Variants in UBE2E1 observed in about 807,000 individuals in gnomAD.
The protein encoded by UBE2E1 is ubiquitin conjugating enzyme E2 E1, also known as ubiquitin-conjugating enzyme E2 E1.
Under a neutral mutation model 21.4 loss-of-function variants are expected in UBE2E1, and 6 were observed. The ratio of observed to expected loss-of-function variants is 0.28; its 90% CI spans 0.15 to 0.55. The LOEUF (loss-of-function observed/expected upper bound fraction) is 0.55. UBE2E1 is among the 20% of genes least tolerant of loss of function. The pLI is 0.93. For synonymous variants in UBE2E1, 87 were observed against 82.7 expected (o/e 1.05, Z -0.28); for missense variants, 142 against 236.5 (o/e 0.60, Z 2.62).
intron 3 of UBE2E1, among the ~76,000 whole-genome samples, chr3:23,826,387 C>G (rs1699761400): frequency 6.6e-6 from 1 of 152,340 alleles, no homozygotes; most frequent in Middle Eastern, 3.4e-3. Flanking sequence ...TTGTAGTGTG[C>G]TTGCCTTGGT....
In UBE2E1 at chr3:23,887,484, G is replaced by T; in HGVS notation, c.204-83G>T. 6.8e-7 allele frequency: 1 copy of T among 1,470,932 alleles called. No individual in the cohort carries two copies. The allele number at this position is 1,470,932 out of a possible 1,614,324, so 91.1% of individuals were successfully genotyped here. A position where few individuals can be genotyped will look rare whatever the true frequency, so the allele number is the denominator to read the frequency against. On this transcript the variant is annotated intron_variant, in intron 3 of 5. Coordinates refer to ENST00000306627, the MANE Select transcript of UBE2E1 (RefSeq NM_003341.5). This position sits in a 1 kb window ranked among gnomAD's most constrained non-coding sequence, Gnocchi z 4.4. ...CACAGTAAACAAAAGAGAGGAGAGA[G>T]GTAATCTTTCCATCTCTTTTAATAC...
chr3:23,861,461 G>T (rs1053848214), intron 3 of UBE2E1, among the ~76,000 whole-genome samples: 1 of 152,152 alleles, frequency 6.6e-6, no homozygotes, highest in African/African-American at 2.4e-5. Context: ...CCTGGCGAGG[G>T]CTCCACCCCC....
chr3:23,853,984 A>C lies in UBE2E1; in HGVS notation c.204-33583A>C, dbSNP rs1407854835. On this transcript the variant is annotated intron_variant, in intron 3 of 5. Coordinates refer to ENST00000306627, the MANE Select transcript of UBE2E1 (RefSeq NM_003341.5). This position sits in a 1 kb window ranked among gnomAD's most constrained non-coding sequence, Gnocchi z 4.1. ...TCAGAATGCTTTATCTTGGTCAGGC[A>C]TGGTGGCTCATGCCTGTAATCCCAG... Among the ~76,000 whole-genome samples, 1 of 152,280 alleles carries C rather than the reference A, an allele frequency of 6.6e-6. No homozygotes were observed. Among genetic ancestry groups the C allele is most frequent in the Admixed American group, 6.5e-5 (1 of 15,290 alleles).
At chr3:23,890,431 A>AC in intron 5 of UBE2E1, 78 bp from the exon 6 acceptor site, 1 of 1,393,848 alleles carries the variant, frequency 7.2e-7, no homozygotes, top group Non-Finnish European at 9.9e-7. Context: ...GTACGTATCT[A>AC]CCCAAGCTGT....
chr3:23,822,793 T>A (rs1171657830), intron 3 of UBE2E1, among the ~76,000 whole-genome samples: 2 of 152,180 alleles, frequency 1.3e-5, no homozygotes, highest in African/African-American at 4.8e-5. Flanking sequence ...CAGCATAAGT[T>A]ACTCATCATA....
chr3:23,867,436 G>C (rs963964721), intron 3 of UBE2E1, among the ~76,000 whole-genome samples: 1 of 152,168 alleles, frequency 6.6e-6, no homozygotes, highest in Non-Finnish European at 1.5e-5. Context: ...CATCAACTTT[G>C]TTGAGGTGTA....
chr3:23,885,910 T>C (rs1381843669), intron 3 of UBE2E1, among the ~76,000 whole-genome samples: 1 of 151,782 alleles, frequency 6.6e-6, no homozygotes, highest in Non-Finnish European at 1.5e-5. Flanking sequence ...TCTCTGTATC[T>C]AAAACAAACT....
intron 4 of UBE2E1, among the ~76,000 whole-genome samples, chr3:23,888,753 A>G (rs1352200708): frequency 1.3e-5 from 2 of 152,240 alleles, no homozygotes; most frequent in African/African-American, 2.4e-5. Flanking sequence ...AGAGGTATTT[A>G]TGATTCTCAG....
At chr3:23,832,829 G>A (rs779128244) in intron 3 of UBE2E1, among the ~76,000 whole-genome samples, 5 of 152,116 alleles carry the variant, frequency 3.3e-5, no homozygotes, top group Non-Finnish European at 7.4e-5. Flanking sequence ...CCAGGAGTTT[G>A]AGACCAGTCT....
chr3:23,844,886 T>C (rs886324057), intron 3 of UBE2E1, among the ~76,000 whole-genome samples: 1 of 152,102 alleles, frequency 6.6e-6, no homozygotes, highest in African/African-American at 2.4e-5. Flanking sequence ...AACAGACCAA[T>C]GAAGCTGACT....
chr3:23,815,567 A>G (rs759894611), intron 3 of UBE2E1, among the ~76,000 whole-genome samples: 17 of 152,152 alleles, frequency 1.1e-4, no homozygotes, highest in Non-Finnish European at 1.9e-4. Flanking sequence ...TGGCATTCCA[A>G]TACCTCCTCG....
intron 3 of UBE2E1, among the ~76,000 whole-genome samples, chr3:23,856,172 A>G (rs6550806): frequency 0.76 from 115,381 of 152,010 alleles, 44,376 homozygotes; most frequent in African/African-American, 0.84. Flanking sequence ...GATTACAGGC[A>G]GGTACCACCA....
chr3:23,882,468 G>A (rs1307741089), intron 3 of UBE2E1, among the ~76,000 whole-genome samples: 3 of 152,270 alleles, frequency 2.0e-5, no homozygotes, highest in Non-Finnish European at 4.4e-5. Context: ...AGTTGGCTTT[G>A]CCTAGTGGAT....
chr3:23,823,626 G>A lies in UBE2E1; in HGVS notation c.203+12116G>A, dbSNP rs1200104275. ...ACAACACATTTATCCTAAATAAAAGGAGATTGTTGACTTTGCAGAGAAAAA... is the reference window on the plus strand; with the variant it reads ...ACAACACATTTATCCTAAATAAAAGAAGATTGTTGACTTTGCAGAGAAAAA... On this transcript the variant is annotated intron_variant, in intron 3 of 5. Transcript: ENST00000306627. This position sits in a 1 kb window ranked among gnomAD's most constrained non-coding sequence, Gnocchi z 4.2. Among the ~76,000 whole-genome samples, 1 of 152,144 alleles carries A rather than the reference G, an allele frequency of 6.6e-6. No homozygotes were observed. Among genetic ancestry groups the A allele is most frequent in the African/African-American group, 2.4e-5 (1 of 41,426 alleles).
intron 3 of UBE2E1, among the ~76,000 whole-genome samples, chr3:23,861,803 C>T (rs1251712127): frequency 2.6e-5 from 4 of 152,216 alleles, no homozygotes; most frequent in African/African-American, 7.2e-5. Context: ...AAAACCATTT[C>T]CCTTCTGGCT....
intron 3 of UBE2E1, among the ~76,000 whole-genome samples, chr3:23,872,380 GGGGGAGA>G (rs1700822559): frequency 6.6e-6 from 1 of 151,450 alleles, no homozygotes; most frequent in South Asian, 2.1e-4. Flanking sequence ...GGGAGGGGGA[GGGGGAGA>G]GGGAGAGGGA....
At chr3:23,884,719 G>A (rs1371066697) in intron 3 of UBE2E1, among the ~76,000 whole-genome samples, 2 of 152,152 alleles carry the variant, frequency 1.3e-5, no homozygotes, top group African/African-American at 4.8e-5. Context: ...AGTTGAACAT[G>A]AACAGTACGA....
rs1052938510 is a variant in UBE2E1, at chr3:23,853,578, A to C, written c.204-33989A>C. ...TATAAGTTTTATGGTTTTAGCTGTT[A>C]AATTTAGGTCTCTTCATTTCTGTTC... is the stretch of plus-strand genomic sequence containing the variant. On this transcript the variant is annotated intron_variant, in intron 3 of 5. Transcript: ENST00000306627. This position sits in a 1 kb window ranked among gnomAD's most constrained non-coding sequence, Gnocchi z 4.1. 1.3e-5 allele frequency among the ~76,000 whole-genome samples: 2 copies of C among 152,054 alleles called. No homozygotes were observed. The highest frequency in any genetic ancestry group is 1.9e-4 in the East Asian group (1 of 5,190).
At chr3:23,864,947 A>AACTTCTT (rs1700623259) in intron 3 of UBE2E1, among the ~76,000 whole-genome samples, 1 of 152,224 alleles carries the variant, frequency 6.6e-6, no homozygotes, top group Non-Finnish European at 1.5e-5. Context: ...GTTAATGACC[A>AACTTCTT]CTGGTGCAGA....
Sources: gnomAD v4.1 joint callset for allele counts (sites outside exome capture counted in the v4.1 genomes callset) on GRCh38, gnomAD v4.1.1 for gene constraint, Gnocchi (gnomAD v3.1) non-coding constraint, MANE v1.5 for transcripts, NCBI Gene and HGNC (gene_info 2026-07-23, HGNC 2026-07-21) for gene names.